The following KIAA0825 variants were observed in gnomAD, a reference collection of about 807,000 sequenced individuals.
The protein encoded by KIAA0825 is uncharacterized protein KIAA0825.
Under a neutral mutation model 147.6 loss-of-function variants are expected in KIAA0825, and 119 were observed. The ratio of observed to expected loss-of-function variants is 0.81; its 90% CI spans 0.69 to 0.94. KIAA0825 has a LOEUF of 0.94. KIAA0825 is among the 40% of genes least tolerant of loss of function. The pLI is 0.00. For missense variants in KIAA0825, 1,381 were observed against 1,472.7 expected (o/e 0.94, Z 1.02); for synonymous variants, 470 against 518.1 (o/e 0.91, Z 1.26).
At chr5:94,459,097 T>C (rs927430045) in intron 12 of KIAA0825, among the ~76,000 whole-genome samples, 1 of 152,140 alleles carries the variant, frequency 6.6e-6, no homozygotes, top group Non-Finnish European at 1.5e-5. Context: ...TGTGTCTGGT[T>C]TTTTTCACTT....
At chr5:94,569,367 C>T (rs1779412057) in intron 2 of KIAA0825, 2 of 375,422 alleles carry the variant, frequency 5.3e-6, no homozygotes, top group East Asian at 8.0e-5. Flanking sequence ...ACACCACTAA[C>T]AATCAACACT....
intron 20 of KIAA0825, among the ~76,000 whole-genome samples, chr5:94,325,505 T>C (rs1050039762): frequency 6.6e-6 from 1 of 151,932 alleles, no homozygotes; most frequent in African/African-American, 2.4e-5. Flanking sequence ...GCAGAAATAA[T>C]ACACATAAAT....
chr5:94,517,734 A>C (rs1306903125), intron 5 of KIAA0825, among the ~76,000 whole-genome samples: 5 of 151,198 alleles, frequency 3.3e-5, no homozygotes, highest in Non-Finnish European at 5.9e-5. Flanking sequence ...AATTAAATTT[A>C]TTTTAAATTA....
chr5:94,545,394 T>A (rs1584845510), intron 2 of KIAA0825, among the ~76,000 whole-genome samples: 1 of 152,050 alleles, frequency 6.6e-6, no homozygotes, highest in African/African-American at 2.4e-5. Flanking sequence ...AAGGGAGTGC[T>A]TGTGCCACCC....
chr5:94,403,742 G>A lies in KIAA0825; in HGVS notation c.2714C>T (p.Ala905Val). The A allele has an allele frequency of 1.3e-6, 2 of 1,551,516 alleles. No individual in the cohort carries two copies. The highest frequency in any genetic ancestry group is 1.7e-6 in the Non-Finnish European group (2 of 1,146,874). The change falls in exon 16 of 21, where the codon GCA (alanine) becomes GTA (valine). Residue 905 changes from alanine (A) to valine (V), a missense_variant. Coordinates refer to ENST00000682413, the MANE Select transcript of KIAA0825 (RefSeq NM_001145678.3). ...ELEVIRCLRL[A>V]LTDAIKDTVQ... The stretch of plus-strand genomic sequence containing the variant: ...AGTGTCCTTGATGGCATCGGTCAGT[G>A]CCAGTCTCAAGCATCGGATGACCTC...
chr5:94,510,569 C>A (rs1419949461), intron 5 of KIAA0825, among the ~76,000 whole-genome samples: 1 of 152,138 alleles, frequency 6.6e-6, no homozygotes, highest in Non-Finnish European at 1.5e-5. Context: ...AATACATGTG[C>A]AATTTTAGAT....
intron 4 of KIAA0825, 136 bp from the exon 5 acceptor site, chr5:94,521,053 T>C: frequency 6.2e-6 from 5 of 800,152 alleles, no homozygotes; most frequent in Non-Finnish European, 9.4e-6. Flanking sequence ...TTTTTGCATT[T>C]GAAATTTAAT....
rs539580970 is a variant in KIAA0825 at position 94,557,992 on chromosome 5, C to T, written c.-1-20865G>A. On this transcript the variant is annotated intron_variant, in intron 2 of 20. Coordinates refer to ENST00000682413, the MANE Select transcript of KIAA0825 (RefSeq NM_001145678.3). Reference sequence around the variant, plus strand: ...CCGTGCTCCTGATCCAGGGAGGCGCCCATTGCCGCTCCTGATCAGGCTAAA... The same window carrying T: ...CCGTGCTCCTGATCCAGGGAGGCGCTCATTGCCGCTCCTGATCAGGCTAAA... Among the ~76,000 whole-genome samples the T allele has an allele frequency of 2.0e-5, 3 of 152,310 alleles. No homozygotes were observed. In the South Asian group the frequency reaches 6.2e-4, roughly 32 times the overall value.
intron 3 of KIAA0825, among the ~76,000 whole-genome samples, chr5:94,528,313 C>T (rs1769768174): frequency 6.6e-6 from 1 of 152,154 alleles, no homozygotes; most frequent in Non-Finnish European, 1.5e-5. Context: ...TCAGAGTTTA[C>T]TATGAGCAAC....
chr5:94,568,084 C>T (rs1452374123), intron 2 of KIAA0825: 5 of 164,664 alleles, frequency 3.0e-5, no homozygotes, highest in Non-Finnish European at 6.5e-5. Context: ...TCACAATCGG[C>T]ATCAACCAAC....
chr5:94,594,770 A>G, intron 1 of KIAA0825: 1 of 597,682 alleles, frequency 1.7e-6, no homozygotes, highest in Non-Finnish European at 3.2e-6. Context: ...GAGAACATGC[A>G]TTTAGAGAAG....
chr5:94,384,415 A>T lies in KIAA0825; in HGVS notation c.3663T>A (p.Asn1221Lys). The T allele has an allele frequency of 6.4e-7, 1 of 1,551,962 alleles. No individual in the cohort carries two copies. Among genetic ancestry groups the T allele is most frequent in the Non-Finnish European group, 8.7e-7 (1 of 1,146,960 alleles). The change falls in exon 20 of 21, where the codon AAT becomes AAA. Residue 1221 changes from asparagine (N) to lysine (K), a missense_variant. Physicochemically the swap from Asn to Lys is moderately conservative, Grantham distance 94 (BLOSUM62 0). Coordinates refer to ENST00000682413, the MANE Select transcript of KIAA0825 (RefSeq NM_001145678.3). ...AGGTCATCTTATCCAGTCTCAGATA[A>T]TTTGGCAGCAACTTTGCCCAATTCC... ...WNWNWAKLLP[N>K]YLRLDKMTFS...
chr5:94,285,428 G>T (rs1425874286), intron 20 of KIAA0825, among the ~76,000 whole-genome samples: 1 of 151,942 alleles, frequency 6.6e-6, no homozygotes, highest in Non-Finnish European at 1.5e-5. Context: ...AAGAAATCTA[G>T]TCCATTCTCA....
intron 20 of KIAA0825, among the ~76,000 whole-genome samples, chr5:94,224,167 C>T (rs1311562225): frequency 7.5e-6 from 1 of 133,364 alleles, no homozygotes; most frequent in Non-Finnish European, 1.6e-5. Context: ...AATCTCGGCT[C>T]ACTACAACCT....
At chr5:94,263,896 G>A (rs1188085836) in intron 20 of KIAA0825, among the ~76,000 whole-genome samples, 1 of 152,094 alleles carries the variant, frequency 6.6e-6, no homozygotes, top group African/African-American at 2.4e-5. Flanking sequence ...AGTGAATTAC[G>A]AAAGTACAGA....
intron 20 of KIAA0825, among the ~76,000 whole-genome samples, chr5:94,176,402 C>A (rs1306291831): frequency 6.6e-6 from 1 of 152,066 alleles, no homozygotes; most frequent in East Asian, 1.9e-4. Flanking sequence ...AACCTCTTTT[C>A]TTTGTAAATT....
At chr5:94,369,529 AGT>A (rs960015907) in intron 20 of KIAA0825, among the ~76,000 whole-genome samples, 2 of 152,144 alleles carry the variant, frequency 1.3e-5, no homozygotes, top group Non-Finnish European at 2.9e-5. Flanking sequence ...GGATGTGGAG[AGT>A]GTGAGAATGA....
intron 20 of KIAA0825, among the ~76,000 whole-genome samples, chr5:94,211,743 G>A (rs1052031494): frequency 6.6e-6 from 1 of 152,068 alleles, no homozygotes; most frequent in African/African-American, 2.4e-5. Flanking sequence ...TGCAGACCCT[G>A]TTCCCTACTG....
intron 9 of KIAA0825, among the ~76,000 whole-genome samples, 199 bp downstream of exon 9, chr5:94,471,267 A>G (rs539718118): frequency 6.7e-6 from 1 of 149,698 alleles, no homozygotes; most frequent in South Asian, 2.1e-4. Context: ...GTACTATCTT[A>G]CTATCTATGT....
Sources: gnomAD v4.1 joint callset for allele counts (sites outside exome capture counted in the v4.1 genomes callset) on GRCh38, gnomAD v4.1.1 for gene constraint, MANE v1.5 for transcripts, NCBI Gene and HGNC (gene_info 2026-07-23, HGNC 2026-07-21) for gene names.